NHS: variants seen among roughly 807,000 people sequenced by gnomAD.
The protein encoded by NHS is actin remodeling regulator NHS.
Under a neutral mutation model 72.5 loss-of-function variants are expected in NHS, and 5 were observed. The observed-to-expected ratio is 0.07, with a 90% CI of 0.04 to 0.14. The LOEUF is 0.14. Ranked by LOEUF, NHS falls within the 10% of genes least tolerant of loss-of-function variation. NHS has a pLI of 1.00. For synonymous variants in NHS, 464 were observed against 547.7 expected, an observed-to-expected ratio of 0.85 and a Z score of 2.13; for missense variants, 1,072 against 1,355.7, an observed-to-expected ratio of 0.79 and a Z score of 3.29.
chrX:17,396,632 T>A (rs1201339916), intron 1 of NHS, among the ~76,000 whole-genome samples: 1 of 111,965 alleles, frequency 8.9e-6, no homozygotes, highest in African/African-American at 3.2e-5. Context: ...AATAATTCCA[T>A]TTATAAACAA....
intron 1 of NHS, among the ~76,000 whole-genome samples, chrX:17,471,598 A>G (rs1339938138): frequency 8.9e-6 from 1 of 112,623 alleles, no homozygotes; most frequent in Non-Finnish European, 1.9e-5. Context: ...AATGTCTTCT[A>G]TAGCTTGCAG....
chrX:17,580,540 C>T (rs954982417), intron 1 of NHS, among the ~76,000 whole-genome samples: 1 of 112,360 alleles, frequency 8.9e-6, no homozygotes, highest in Non-Finnish European at 1.9e-5. Context: ...TCTAGCCGAA[C>T]ACTGAGCACA....
chrX:17,430,353 T>TTC (rs1405570356), intron 1 of NHS, among the ~76,000 whole-genome samples: 1 of 96,158 alleles, frequency 1.0e-5, no homozygotes, highest in African/African-American at 3.9e-5. Context: ...CTTTCTTTCT[T>TTC]TTTCTTCTTT....
At chrX:17,679,024 G>C (rs935129460) in intron 1 of NHS, among the ~76,000 whole-genome samples, 51 of 111,168 alleles carry the variant, frequency 4.6e-4, no homozygotes, top group African/African-American at 1.7e-3. Flanking sequence ...AACCAAGTTT[G>C]TACTGCACCT....
chrX:17,652,094 G>C (rs1238271937), intron 1 of NHS, among the ~76,000 whole-genome samples: 1 of 112,345 alleles, frequency 8.9e-6, no homozygotes, highest in Non-Finnish European at 1.9e-5. Context: ...CAGCAGAGTA[G>C]AGTAGTTGCA....
chrX:17,695,252 G>A (rs910504907), intron 3 of NHS, among the ~76,000 whole-genome samples: 1 of 111,995 alleles, frequency 8.9e-6, no homozygotes, highest in Non-Finnish European at 1.9e-5. Context: ...ATCAGTGTAT[G>A]CAAAGATTTA....
intron 1 of NHS, among the ~76,000 whole-genome samples, chrX:17,572,145 G>T (rs747252224): frequency 8.9e-6 from 1 of 111,893 alleles, no homozygotes; most frequent in Non-Finnish European, 1.9e-5. Context: ...GTATTCTGTT[G>T]ATTTGGGGTG....
rs748745880 is a variant in NHS at position 17,636,016 on chromosome X, C to G, written c.566-51726C>G. 3.6e-5 allele frequency among the ~76,000 whole-genome samples: 4 copies of G among 112,489 alleles called. No homozygotes were observed. In the South Asian group the frequency reaches 1.1e-3, roughly 31 times the overall value. On this transcript the variant is annotated intron_variant, in intron 1 of 8. Coordinates refer to ENST00000676302, the MANE Select transcript of NHS (RefSeq NM_001291867.2). ...GATTCCAGGGCAGGATTCCGGGGCT[C>G]TAGCTCAGGACTTCTGGGAAGGGGC...
chrX:17,452,474 G>T (rs2064809399), intron 1 of NHS, among the ~76,000 whole-genome samples: 1 of 109,244 alleles, frequency 9.2e-6, no homozygotes, highest in African/African-American at 3.4e-5. Flanking sequence ...CATTCCCTGG[G>T]CTCAGTATCT....
At chrX:17,630,839 T>A (rs954699428) in intron 1 of NHS, among the ~76,000 whole-genome samples, 1 of 111,765 alleles carries the variant, frequency 8.9e-6, no homozygotes, top group Non-Finnish European at 1.9e-5. Flanking sequence ...TGACTGCACC[T>A]CAGAATCACC....
chrX:17,565,278 G>A (rs1364342594), intron 1 of NHS, among the ~76,000 whole-genome samples: 2 of 111,758 alleles, frequency 1.8e-5, no homozygotes, highest in African/African-American at 6.5e-5. Flanking sequence ...CTAACCAGGC[G>A]TGTAAGTAGG....
At chrX:17,452,131 C>T (rs111353905) in intron 1 of NHS, among the ~76,000 whole-genome samples, 1,636 of 111,417 alleles carry the variant, frequency 0.015, 35 homozygotes, top group African/African-American at 0.05. Flanking sequence ...GAGGTAGATA[C>T]ATGTAAATAG....
intron 1 of NHS, among the ~76,000 whole-genome samples, chrX:17,425,200 T>C (rs1038040479): frequency 9.0e-6 from 1 of 111,718 alleles, no homozygotes; most frequent in Non-Finnish European, 1.9e-5. Context: ...TTGGCAACCT[T>C]CTGAGGAATG....
intron 1 of NHS, among the ~76,000 whole-genome samples, chrX:17,485,816 A>G (rs929538852): frequency 2.7e-5 from 3 of 111,653 alleles, no homozygotes; most frequent in African/African-American, 9.8e-5. Flanking sequence ...AGCGTTTTGG[A>G]TTCTGAACAT....
In NHS at chrX:17,686,434, T is replaced by C. The variant is rs146574906; in HGVS notation, c.566-1308T>C. 4.4e-3 allele frequency among the ~76,000 whole-genome samples: 493 copies of C among 111,960 alleles called. 2 individuals are homozygous for C. Among genetic ancestry groups the C allele is most frequent in the Middle Eastern group, 9.1e-3 (2 of 219 alleles). ...TAGAAGAGTCTTCTGGTCTACCTCT[T>C]AGTCACCTTGGCCCAGCCCTGTATC... is the stretch of plus-strand genomic sequence containing the variant. On this transcript the variant is annotated intron_variant, in intron 1 of 8. Transcript: ENST00000676302.
chrX:17,593,839 G>A (rs1037875611), intron 1 of NHS, among the ~76,000 whole-genome samples: 1 of 112,052 alleles, frequency 8.9e-6, no homozygotes, highest in Non-Finnish European at 1.9e-5. Flanking sequence ...ATGAATGGAT[G>A]AGTAGATGGA....
intron 1 of NHS, among the ~76,000 whole-genome samples, chrX:17,392,885 G>T (rs1185417675): frequency 1.8e-5 from 2 of 112,125 alleles, no homozygotes; most frequent in African/African-American, 6.5e-5. Context: ...CTTCCCAAGG[G>T]TAGCCATCAT....
intron 1 of NHS, among the ~76,000 whole-genome samples, chrX:17,666,216 A>C (rs745345885): frequency 9.0e-6 from 1 of 111,470 alleles, no homozygotes; most frequent in African/African-American, 3.3e-5. Context: ...GAAATGAAAA[A>C]CCCCTATATT....
chrX:17,723,780 TGC>T (rs1378758626), intron 5 of NHS, among the ~76,000 whole-genome samples: 3 of 97,024 alleles, frequency 3.1e-5, no homozygotes, highest in Admixed American at 1.1e-4. Flanking sequence ...TGCGCGCGCG[TGC>T]GCGCATGGGG....
Sources: gnomAD v4.1 joint callset for allele counts (sites outside exome capture counted in the v4.1 genomes callset) on GRCh38, gnomAD v4.1.1 for gene constraint, MANE v1.5 for transcripts, NCBI Gene and HGNC (gene_info 2026-07-23, HGNC 2026-07-21) for gene names.